Variants in NKAIN2 observed in about 807,000 individuals in gnomAD.
NKAIN2 encodes the protein sodium/potassium-transporting ATPase subunit beta-1-interacting protein 2.
In NKAIN2, 14 loss-of-function variants were observed where a neutral mutation model predicts 32.6. That is an observed-to-expected ratio of 0.43 (90% CI 0.28 to 0.67). The LOEUF (loss-of-function observed/expected upper bound fraction) is 0.67, where lower values mean the gene tolerates loss of function less well. NKAIN2 is among the 30% of genes least tolerant of loss of function. The pLI is 0.17. For missense variants in NKAIN2, 198 were observed against 258.3 expected, an observed-to-expected ratio of 0.77 and a Z score of 1.60; for synonymous variants, 80 against 87.2, an observed-to-expected ratio of 0.92 and a Z score of 0.46.
intron 1 of NKAIN2, among the ~76,000 whole-genome samples, chr6:124,230,720 C>G (rs1017815748): frequency 1.3e-5 from 2 of 152,092 alleles, no homozygotes; most frequent in Non-Finnish European, 2.9e-5. Flanking sequence ...TGCGGGTGCA[C>G]CGAAGTTAAG....
chr6:124,222,063 C>T (rs1230808824), intron 1 of NKAIN2, among the ~76,000 whole-genome samples: 2 of 152,148 alleles, frequency 1.3e-5, no homozygotes, highest in African/African-American at 4.8e-5. Flanking sequence ...CACCTTCTAC[C>T]TATCCCGTAA....
At chr6:123,870,085 TA>T (rs1482772205) in intron 1 of NKAIN2, among the ~76,000 whole-genome samples, 1 of 152,194 alleles carries the variant, frequency 6.6e-6, no homozygotes, top group Non-Finnish European at 1.5e-5. Context: ...ACTTGACAAT[TA>T]TTTTTTTACT....
rs118074159 is a variant in NKAIN2, at chr6:124,150,991, A to G, written c.55-132014A>G. Among the ~76,000 whole-genome samples the G allele has an allele frequency of 1.1e-4, 17 of 152,192 alleles. No homozygotes were observed. The East Asian group carries it at 2.7e-3, about 24-fold the overall frequency. ...GTAAAATCCTTATTCTTCTTTGTTC[A>G]TATTTCTATTTGAATAATGGCATTA... On this transcript the variant is annotated intron_variant, in intron 1 of 6. Coordinates refer to ENST00000368417, the MANE Select transcript of NKAIN2 (RefSeq NM_001040214.3).
At chr6:123,841,197 T>C (rs1774853738) in intron 1 of NKAIN2, among the ~76,000 whole-genome samples, 1 of 152,182 alleles carries the variant, frequency 6.6e-6, no homozygotes. Context: ...ATCTTCTTTT[T>C]TCTTTTGCAC....
At chr6:123,856,769 G>A (rs372201928) in intron 1 of NKAIN2, among the ~76,000 whole-genome samples, 3 of 152,112 alleles carry the variant, frequency 2.0e-5, no homozygotes, top group Non-Finnish European at 2.9e-5. Flanking sequence ...AGGTGGAGCC[G>A]GCCTCTCTAC....
chr6:124,246,921 C>T (rs1349605870), intron 1 of NKAIN2, among the ~76,000 whole-genome samples: 1 of 152,044 alleles, frequency 6.6e-6, no homozygotes, highest in Non-Finnish European at 1.5e-5. Flanking sequence ...CACTGGGCTA[C>T]AACCAAGATG....
intron 1 of NKAIN2, among the ~76,000 whole-genome samples, chr6:124,230,040 T>C (rs1014090984): frequency 3.9e-5 from 6 of 151,900 alleles, no homozygotes; most frequent in African/African-American, 1.5e-4. Context: ...TGTGGGAAAA[T>C]TTGGAACTCC....
intron 1 of NKAIN2, among the ~76,000 whole-genome samples, chr6:124,221,445 T>C (rs1359066899): frequency 1.3e-5 from 2 of 149,578 alleles, no homozygotes; most frequent in Non-Finnish European, 3.0e-5. Flanking sequence ...TTGGGAGATA[T>C]ACCTAATGCT....
chr6:123,934,485 G>T (rs1776409223), intron 1 of NKAIN2, among the ~76,000 whole-genome samples: 1 of 152,090 alleles, frequency 6.6e-6, no homozygotes. Context: ...TTAGGTTCTA[G>T]CCATTTATTT....
intron 3 of NKAIN2, among the ~76,000 whole-genome samples, chr6:124,439,584 C>T (rs1323545231): frequency 3.3e-5 from 5 of 151,466 alleles, no homozygotes; most frequent in Admixed American, 6.6e-5. Flanking sequence ...CTAGAAAATC[C>T]GAATTCTAAC....
chr6:123,915,172 A>G (rs954276519), intron 1 of NKAIN2, among the ~76,000 whole-genome samples: 2 of 152,210 alleles, frequency 1.3e-5, no homozygotes, highest in African/African-American at 2.4e-5. Context: ...CTCTTGCTCA[A>G]CGCAAAAATC....
intron 3 of NKAIN2, among the ~76,000 whole-genome samples, chr6:124,559,986 C>T (rs1780629490): frequency 6.6e-6 from 1 of 151,880 alleles, no homozygotes; most frequent in Admixed American, 6.6e-5. Context: ...CGTTAACACC[C>T]AGTCAAAGCA....
chr6:124,704,337 A>G (rs1401061608), intron 4 of NKAIN2, among the ~76,000 whole-genome samples: 5 of 152,014 alleles, frequency 3.3e-5, no homozygotes, highest in African/African-American at 1.2e-4. Context: ...TTGGTCACAA[A>G]TGTTATAATT....
chr6:124,642,265 C>T (rs1459703848), intron 3 of NKAIN2, among the ~76,000 whole-genome samples: 1 of 152,180 alleles, frequency 6.6e-6, no homozygotes, highest in Non-Finnish European at 1.5e-5. Context: ...CAAAACCATA[C>T]TTTCTCAGCT....
At chr6:124,176,475 G>T (rs1789163417) in intron 1 of NKAIN2, among the ~76,000 whole-genome samples, 1 of 151,912 alleles carries the variant, frequency 6.6e-6, no homozygotes. Flanking sequence ...GCTTTCTCTT[G>T]CCCAATTGCT....
At chr6:124,784,783 G>C (rs1471861035) in intron 4 of NKAIN2, among the ~76,000 whole-genome samples, 1 of 151,984 alleles carries the variant, frequency 6.6e-6, no homozygotes, top group African/African-American at 2.4e-5. Context: ...TATGGTAGTT[G>C]CGTGTTTAGT....
chr6:124,033,094 T>C (rs866057247), intron 1 of NKAIN2, among the ~76,000 whole-genome samples: 1 of 152,086 alleles, frequency 6.6e-6, no homozygotes, highest in African/African-American at 2.4e-5. Context: ...TTTCTCTTTC[T>C]TTTAGCCAAA....
At chr6:124,331,129 A>G (rs1797631964) in intron 2 of NKAIN2, among the ~76,000 whole-genome samples, 1 of 152,082 alleles carries the variant, frequency 6.6e-6, no homozygotes, top group Non-Finnish European at 1.5e-5. Flanking sequence ...TTGGCACCCC[A>G]AAGTTTTATA....
chr6:124,319,757 C>G (rs1477086745), intron 2 of NKAIN2, among the ~76,000 whole-genome samples: 1 of 152,026 alleles, frequency 6.6e-6, no homozygotes, highest in Admixed American at 6.6e-5. Context: ...TATTATGCAT[C>G]AGGATATAAG....
Sources: allele counts gnomAD v4.1 joint callset (sites outside exome capture counted in the v4.1 genomes callset), GRCh38; gene constraint gnomAD v4.1.1; transcripts MANE v1.5; gene names NCBI Gene and HGNC (gene_info 2026-07-23, HGNC 2026-07-21).